Variants in KCNMA1 observed in about 807,000 individuals in gnomAD.
KCNMA1 encodes potassium calcium-activated channel subfamily M alpha 1, also known as Calcium-activated potassium channel subunit alpha-1.
A neutral mutation model predicts 140.0 loss-of-function variants in KCNMA1; 29 were observed. The observed-to-expected ratio is 0.21, with a 90% CI of 0.15 to 0.28. The LOEUF is 0.28. Ranked by LOEUF, KCNMA1 falls within the 10% of genes least tolerant of loss-of-function variation. The pLI is 1.00. For synonymous variants in KCNMA1, 612 were observed against 611.9 expected, an observed-to-expected ratio of 1.00 and a Z score of 0.00; for missense variants, 880 against 1,602.2, an observed-to-expected ratio of 0.55 and a Z score of 7.70.
intron 1 of KCNMA1, among the ~76,000 whole-genome samples, chr10:77,442,980 G>A (rs747076581): frequency 1.3e-5 from 2 of 152,238 alleles, no homozygotes; most frequent in Non-Finnish European, 2.9e-5. Context: ...TGGCCAAGGT[G>A]TGGGGGAGAG....
intron 2 of KCNMA1, among the ~76,000 whole-genome samples, chr10:77,299,139 G>A (rs1349796566): frequency 1.3e-5 from 2 of 152,098 alleles, no homozygotes; most frequent in African/African-American, 2.4e-5. Flanking sequence ...TGCTGAAATG[G>A]AGCAACTTTT....
At chr10:76,948,437 GTT>G (rs2065042618) in intron 22 of KCNMA1, among the ~76,000 whole-genome samples, 1 of 152,178 alleles carries the variant, frequency 6.6e-6, no homozygotes, top group African/African-American at 2.4e-5. Context: ...TGTTTTGAGA[GTT>G]TGTGGACTAT....
chr10:76,925,647 T>C (rs979055463), intron 23 of KCNMA1, among the ~76,000 whole-genome samples: 19 of 152,338 alleles, frequency 1.2e-4, no homozygotes, highest in African/African-American at 3.8e-4. Context: ...ACAGTTTCTT[T>C]ATGTTCTTGG....
chr10:76,903,038 G>A (rs1054104688), intron 25 of KCNMA1: 9 of 152,044 alleles, frequency 5.9e-5, no homozygotes, highest in Admixed American at 5.2e-4. Context: ...TGATTCTCAG[G>A]TCCTGTAAAA....
intron 3 of KCNMA1, among the ~76,000 whole-genome samples, chr10:77,189,762 T>C (rs888550495): frequency 6.6e-6 from 1 of 152,170 alleles, no homozygotes; most frequent in Non-Finnish European, 1.5e-5. Context: ...ACCAGGATTA[T>C]GGACAGGCAG....
intron 1 of KCNMA1, among the ~76,000 whole-genome samples, chr10:77,586,896 T>C (rs2077408338): frequency 6.6e-6 from 1 of 152,234 alleles, no homozygotes; most frequent in Non-Finnish European, 1.5e-5. Context: ...GACTCCACTC[T>C]CTTTCCATTA....
At chr10:77,155,216 G>C (rs1165334567) in intron 5 of KCNMA1, among the ~76,000 whole-genome samples, 1 of 152,202 alleles carries the variant, frequency 6.6e-6, no homozygotes, top group Non-Finnish European at 1.5e-5. Context: ...AAAGATCCCT[G>C]CAAACAACTA....
At chr10:77,074,560 C>T (rs2096324720) in intron 13 of KCNMA1, among the ~76,000 whole-genome samples, 1 of 152,190 alleles carries the variant, frequency 6.6e-6, no homozygotes, top group Non-Finnish European at 1.5e-5. Context: ...ACTTCAGGTG[C>T]TGCTGTGTAC....
At chr10:77,229,389 T>G (rs2052737897) in intron 3 of KCNMA1, among the ~76,000 whole-genome samples, 1 of 148,274 alleles carries the variant, frequency 6.7e-6, no homozygotes, top group African/African-American at 2.5e-5. Flanking sequence ...CCAAAAATAG[T>G]AGTAACAATA....
chr10:77,262,755 T>C (rs2062371826), intron 2 of KCNMA1, among the ~76,000 whole-genome samples: 2 of 152,100 alleles, frequency 1.3e-5, no homozygotes, highest in African/African-American at 4.8e-5. Context: ...TCCGCCATGA[T>C]TGTAAGCTTC....
intron 14 of KCNMA1, among the ~76,000 whole-genome samples, chr10:77,062,044 T>A (rs1443389243): frequency 6.6e-6 from 1 of 152,202 alleles, no homozygotes; most frequent in Non-Finnish European, 1.5e-5. Flanking sequence ...TTTGGGGGTA[T>A]GGAAACTATC....
intron 1 of KCNMA1, among the ~76,000 whole-genome samples, chr10:77,561,073 TA>T (rs2066227076): frequency 6.6e-6 from 1 of 151,984 alleles, no homozygotes; most frequent in African/African-American, 2.4e-5. Flanking sequence ...TTTTTTCAAT[TA>T]AAAATAGCAT....
At chr10:77,187,379 C>T (rs1214435760) in intron 3 of KCNMA1, among the ~76,000 whole-genome samples, 2 of 152,140 alleles carry the variant, frequency 1.3e-5, no homozygotes, top group East Asian at 3.9e-4. Context: ...AGTGAGAGGG[C>T]TTGAAGCTAG....
chr10:77,336,995 A>G (rs898902577), intron 2 of KCNMA1, among the ~76,000 whole-genome samples: 6 of 152,234 alleles, frequency 3.9e-5, no homozygotes, highest in African/African-American at 1.4e-4. Flanking sequence ...AGCTTCCCAC[A>G]TCTCCCAATT....
At chr10:77,559,002 C>T (rs577195357) in intron 1 of KCNMA1, among the ~76,000 whole-genome samples, 6 of 152,272 alleles carry the variant, frequency 3.9e-5, no homozygotes, top group East Asian at 1.9e-4. Flanking sequence ...TCCAGGGCTA[C>T]GCTGGGAGTA....
chr10:77,066,519 T>C (rs559931637), intron 14 of KCNMA1, among the ~76,000 whole-genome samples: 61 of 152,192 alleles, frequency 4.0e-4, no homozygotes, highest in Admixed American at 8.5e-4. Context: ...TGAGAGGAGA[T>C]GGGGTATTCA....
At chr10:77,142,566 A>G (rs747597746) in intron 5 of KCNMA1, among the ~76,000 whole-genome samples, 27 of 152,172 alleles carry the variant, frequency 1.8e-4, no homozygotes, top group Non-Finnish European at 3.7e-4. Flanking sequence ...GCAGACAGCC[A>G]GGTAAAAAAA....
intron 11 of KCNMA1, 69 bp downstream of exon 11, chr10:77,086,419 C>A: frequency 8.7e-7 from 1 of 1,150,012 alleles, no homozygotes; most frequent in South Asian, 1.2e-5. Flanking sequence ...CCCCTCAGCA[C>A]AGAGTCAGGA....
intron 19 of KCNMA1, among the ~76,000 whole-genome samples, chr10:76,999,487 G>A (rs1257466873): frequency 6.6e-6 from 1 of 152,178 alleles, no homozygotes; most frequent in Non-Finnish European, 1.5e-5. Flanking sequence ...TCAAAGAGAT[G>A]TGACCAATTC....
Sources: allele counts gnomAD v4.1 joint callset (sites outside exome capture counted in the v4.1 genomes callset), GRCh38; gene constraint gnomAD v4.1.1; transcripts MANE v1.5; gene names NCBI Gene and HGNC (gene_info 2026-07-23, HGNC 2026-07-21).